TANC2: variants seen among roughly 807,000 people sequenced by gnomAD.
TANC2 encodes the protein protein TANC2.
A neutral mutation model predicts 210.5 loss-of-function variants in TANC2; 26 were observed. The observed-to-expected ratio is 0.12, with a 90% CI of 0.09 to 0.17. The LOEUF (loss-of-function observed/expected upper bound fraction) is 0.17, where lower values mean the gene tolerates loss of function less well. Among genes scored for constraint, TANC2 ranks in the 10% least tolerant of loss-of-function variants. TANC2 has a pLI of 1.00. For synonymous variants in TANC2, 931 were observed against 967.1 expected, an observed-to-expected ratio of 0.96 and a Z score of 0.69; for missense variants, 2,129 against 2,608.9, an observed-to-expected ratio of 0.82 and a Z score of 4.01.
intron 5 of TANC2, among the ~76,000 whole-genome samples, chr17:63,183,189 A>G (rs2040850517): frequency 6.6e-6 from 1 of 152,246 alleles, no homozygotes. Flanking sequence ...TACACTTAAC[A>G]CCAGCATGGA....
chr17:63,092,128 G>A (rs552884172), intron 3 of TANC2, among the ~76,000 whole-genome samples: 1 of 152,030 alleles, frequency 6.6e-6, no homozygotes, highest in African/African-American at 2.4e-5. Flanking sequence ...GTCACAATTT[G>A]TTCATTCATC....
chr17:62,982,186 A>G (rs1045584653), intron 1 of TANC2, among the ~76,000 whole-genome samples: 12 of 152,114 alleles, frequency 7.9e-5, no homozygotes, highest in African/African-American at 1.4e-4. Flanking sequence ...TTTTATTACC[A>G]CAGACTATTT....
At chr17:63,335,703 A>C (rs566441419) in intron 11 of TANC2, among the ~76,000 whole-genome samples, 1 of 152,212 alleles carries the variant, frequency 6.6e-6, no homozygotes, top group East Asian at 1.9e-4. Context: ...AACTAAATAC[A>C]GTATGGGGTC....
chr17:63,210,407 C>T (rs1421149505), intron 7 of TANC2, among the ~76,000 whole-genome samples: 1 of 152,210 alleles, frequency 6.6e-6, no homozygotes, highest in Non-Finnish European at 1.5e-5. Context: ...CCTCCCTTCT[C>T]TGGATTTCCG....
At chr17:63,401,484 A>G (rs1397675190) in intron 19 of TANC2, among the ~76,000 whole-genome samples, 1 of 152,234 alleles carries the variant, frequency 6.6e-6, no homozygotes, top group Non-Finnish European at 1.5e-5. Flanking sequence ...AATTTCAGAG[A>G]TGTTAAAATG....
At chr17:63,231,032 C>CT (rs1249104407) in intron 7 of TANC2, among the ~76,000 whole-genome samples, 2 of 152,060 alleles carry the variant, frequency 1.3e-5, no homozygotes, top group Admixed American at 6.6e-5. Flanking sequence ...CCTTCTTTGT[C>CT]TTTTTTTAAA....
intron 4 of TANC2, among the ~76,000 whole-genome samples, chr17:63,102,595 A>G (rs983693941): frequency 9.2e-5 from 14 of 152,082 alleles, no homozygotes; most frequent in South Asian, 2.1e-4. Flanking sequence ...TACATTAGGT[A>G]TATTTCCTAA....
intron 8 of TANC2, among the ~76,000 whole-genome samples, chr17:63,257,555 T>C (rs559617111): frequency 1.3e-5 from 2 of 152,248 alleles, no homozygotes; most frequent in African/African-American, 4.8e-5. Flanking sequence ...AGATGGGGTT[T>C]TGCCATGTTG....
At chr17:63,371,431 A>C (rs554944442) in intron 14 of TANC2, among the ~76,000 whole-genome samples, 28 of 150,680 alleles carry the variant, frequency 1.9e-4, no homozygotes, top group African/African-American at 3.9e-4. Context: ...ACACCATTGC[A>C]CTCCAGCTTG....
At chr17:62,970,948 CT>C (rs540320913) in intron 1 of TANC2, among the ~76,000 whole-genome samples, 2 of 151,426 alleles carry the variant, frequency 1.3e-5, no homozygotes, top group African/African-American at 2.4e-5. Context: ...ATTATTTGGA[CT>C]TTTTTTTTCT....
rs752370195 is a variant in TANC2 at position 63,420,248 on chromosome 17, T to C, written c.4518T>C (p.Asn1506=). ...AGTACCTGGAACAGGATGTTGAAAA[T>C]GTTTCCATTGGCCTCCAGACAGAGG... The change falls in exon 28 of 28, where the codon AAT becomes AAC. Residue 1506 remains asparagine (N), a synonymous_variant. Coordinates refer to ENST00000689528, the Ensembl canonical transcript of TANC2. This position sits in a 1 kb window ranked among gnomAD's most constrained non-coding sequence, Gnocchi z 4.2. 9 of 1,613,316 alleles carry C rather than the reference T, an allele frequency of 5.6e-6. No homozygotes were observed. Among genetic ancestry groups the C allele is most frequent in the Non-Finnish European group, 6.8e-6 (8 of 1,179,708 alleles).
intron 17 of TANC2, chr17:63,393,645 A>G (rs1198527228): frequency 6.6e-6 from 1 of 152,204 alleles, no homozygotes; most frequent in Non-Finnish European, 1.5e-5. Context: ...TTTGTAATTA[A>G]GAAATATCTT....
At chr17:63,134,635 C>T (rs1172478061) in intron 4 of TANC2, among the ~76,000 whole-genome samples, 1 of 152,024 alleles carries the variant, frequency 6.6e-6, no homozygotes, top group African/African-American at 2.4e-5. Context: ...ATATTTTACC[C>T]TATAAATTTA....
At chr17:63,342,981 T>C (rs2046288038) in intron 12 of TANC2, among the ~76,000 whole-genome samples, 1 of 152,186 alleles carries the variant, frequency 6.6e-6, no homozygotes, top group African/African-American at 2.4e-5. Flanking sequence ...TAAATCACCA[T>C]TGTGAGCAAT....
chr17:63,367,441 A>G (rs879346586), intron 14 of TANC2, among the ~76,000 whole-genome samples: 2 of 152,190 alleles, frequency 1.3e-5, no homozygotes, highest in Non-Finnish European at 2.9e-5. Flanking sequence ...TAGTGTTAGT[A>G]TATTTTATGT....
At chr17:63,348,867 A>T (rs1415424290) in intron 12 of TANC2, among the ~76,000 whole-genome samples, 1 of 152,092 alleles carries the variant, frequency 6.6e-6, no homozygotes, top group Non-Finnish European at 1.5e-5. Flanking sequence ...GAACATTAGT[A>T]TCTCACCTCT....
chr17:63,344,682 T>A (rs2046343782), intron 12 of TANC2, among the ~76,000 whole-genome samples: 2 of 152,196 alleles, frequency 1.3e-5, no homozygotes, highest in African/African-American at 2.4e-5. Flanking sequence ...TACAAATATT[T>A]CTATACTAAC....
At chr17:63,262,776 C>G (rs913640713) in intron 8 of TANC2, among the ~76,000 whole-genome samples, 18 of 152,074 alleles carry the variant, frequency 1.2e-4, no homozygotes, top group Non-Finnish European at 8.8e-5. Flanking sequence ...AAACTCCTCT[C>G]AACCCCCAAA....
chr17:63,296,964 CAG>C (rs1052153368), intron 9 of TANC2, among the ~76,000 whole-genome samples: 14 of 152,048 alleles, frequency 9.2e-5, no homozygotes, highest in African/African-American at 3.1e-4. Context: ...TTGAGAGTCT[CAG>C]GAGAAGAGAA....
Sources: gnomAD v4.1 joint callset for allele counts (sites outside exome capture counted in the v4.1 genomes callset) on GRCh38, gnomAD v4.1.1 for gene constraint, Gnocchi (gnomAD v3.1) non-coding constraint, MANE v1.5 for transcripts, NCBI Gene and HGNC (gene_info 2026-07-23, HGNC 2026-07-21) for gene names.